Variants in CNBD1 observed in about 807,000 individuals in gnomAD.
The protein encoded by CNBD1 is cyclic nucleotide binding domain containing 1.
In CNBD1, 71 loss-of-function variants were observed where a neutral mutation model predicts 54.4. The ratio of observed to expected loss-of-function variants is 1.30; its 90% confidence interval spans 1.08 to 1.59. CNBD1 has a LOEUF of 1.59. CNBD1 is among the 40% of genes most tolerant of loss of function. The probability of loss-of-function intolerance (pLI) is 0.00; values close to 1 mark genes in which losing one functional copy is unlikely to be tolerated. For missense variants in CNBD1, 659 were observed against 518.0 expected (o/e 1.27, Z -2.64); for synonymous variants, 182 against 170.7 (o/e 1.07, Z -0.51).
intron 4 of CNBD1, among the ~76,000 whole-genome samples, chr8:86,940,088 G>C (rs1043425729): frequency 6.9e-6 from 1 of 145,704 alleles, no homozygotes; most frequent in Non-Finnish European, 1.5e-5. Flanking sequence ...TTCACAAACT[G>C]TCTTCCTCAT....
intron 4 of CNBD1, among the ~76,000 whole-genome samples, chr8:87,199,140 T>TCG (rs1813791179): frequency 6.6e-6 from 1 of 152,116 alleles, no homozygotes; most frequent in South Asian, 2.1e-4. Context: ...TCCAAACACC[T>TCG]CGCGGGGATG....
intron 4 of CNBD1, among the ~76,000 whole-genome samples, chr8:87,204,698 C>G (rs1813933057): frequency 6.6e-6 from 1 of 152,120 alleles, no homozygotes; most frequent in Admixed American, 6.5e-5. Context: ...TTGCAGGCAA[C>G]TAATAAATGT....
intron 8 of CNBD1, among the ~76,000 whole-genome samples, chr8:87,305,305 C>A (rs767949646): frequency 3.9e-5 from 6 of 152,196 alleles, no homozygotes; most frequent in South Asian, 2.1e-4. Context: ...ATGGGTAGAA[C>A]TGATATTGTG....
In CNBD1 at chr8:87,206,150, A is replaced by C; in HGVS notation, c.577+12A>C. On this transcript the variant is annotated intron_variant, in intron 5 of 10. Coordinates refer to ENST00000518476, the MANE Select transcript of CNBD1 (RefSeq NM_173538.3). ...GAAAGGCAGCACAGGTAATAGACTA[A>C]TGTGGGATAAATTTGGCGAGATAAA... 1 of 1,537,044 alleles carries C rather than the reference A, an allele frequency of 6.5e-7. No individual in the cohort carries two copies. Among genetic ancestry groups the C allele is most frequent in the East Asian group, 2.4e-5 (1 of 41,872 alleles).
chr8:87,414,287 CCA>C (rs2130987629), intron 2 of CNBD1, among the ~76,000 whole-genome samples: 1 of 152,190 alleles, frequency 6.6e-6, no homozygotes, highest in East Asian at 1.9e-4. Flanking sequence ...AAACCAAACA[CCA>C]CATGTTCTCA....
intron 4 of CNBD1, among the ~76,000 whole-genome samples, chr8:87,165,659 T>C (rs1812946317): frequency 6.6e-6 from 1 of 151,950 alleles, no homozygotes; most frequent in South Asian, 2.1e-4. Flanking sequence ...AAAGTGATTT[T>C]CTAGTAGGCG....
At chr8:87,109,665 A>T (rs1380533309) in intron 4 of CNBD1, among the ~76,000 whole-genome samples, 1 of 151,022 alleles carries the variant, frequency 6.6e-6, no homozygotes, top group Non-Finnish European at 1.5e-5. Context: ...CAGCCTCCCG[A>T]GTAGCTGGGA....
At chr8:87,298,391 G>A (rs938752192) in intron 8 of CNBD1, among the ~76,000 whole-genome samples, 1 of 151,834 alleles carries the variant, frequency 6.6e-6, no homozygotes, top group African/African-American at 2.4e-5. Context: ...AAAATGAGGG[G>A]CTACTCCTCA....
At chr8:87,038,902 T>G (rs1231878532) in intron 4 of CNBD1, among the ~76,000 whole-genome samples, 1 of 152,224 alleles carries the variant, frequency 6.6e-6, no homozygotes, top group Non-Finnish European at 1.5e-5. Context: ...TTTCCACCAT[T>G]GCCTTCAGTG....
chr8:87,204,370 G>T (rs1813925979), intron 4 of CNBD1, among the ~76,000 whole-genome samples: 1 of 152,126 alleles, frequency 6.6e-6, no homozygotes, highest in South Asian at 2.1e-4. Context: ...GGTAGGCTTG[G>T]ATGGGAAGGC....
At chr8:86,955,609 C>CT (rs113276453) in intron 4 of CNBD1, among the ~76,000 whole-genome samples, 4,047 of 152,248 alleles carry the variant, frequency 0.027, 188 homozygotes, top group African/African-American at 0.093. Flanking sequence ...TTTCATATGT[C>CT]TGTTGGCTGC....
chr8:86,935,738 CCTTTATTATATATTTCCTTATA>C (rs1386331492), intron 3 of CNBD1, among the ~76,000 whole-genome samples: 4 of 151,972 alleles, frequency 2.6e-5, no homozygotes, highest in African/African-American at 9.7e-5. Flanking sequence ...CAATTTTTAT[CCTTTATTATATATTTCCTTATA>C]CTTATTTTGA....
intron 8 of CNBD1, among the ~76,000 whole-genome samples, chr8:87,337,456 C>T (rs1397006726): frequency 1.3e-5 from 2 of 152,202 alleles, no homozygotes; most frequent in South Asian, 2.1e-4. Flanking sequence ...GCCACCCCTC[C>T]CCCAAGGAGC....
intron 8 of CNBD1, among the ~76,000 whole-genome samples, chr8:87,313,672 T>C (rs746845902): frequency 4.6e-5 from 7 of 151,894 alleles, no homozygotes; most frequent in Non-Finnish European, 8.8e-5. Flanking sequence ...TCTGATACAT[T>C]ACACTGTGTT....
At chr8:87,340,544 C>G (rs1403022212) in intron 8 of CNBD1, among the ~76,000 whole-genome samples, 2 of 152,106 alleles carry the variant, frequency 1.3e-5, no homozygotes, top group Non-Finnish European at 2.9e-5. Flanking sequence ...ACATGTTGGT[C>G]ACCTTGATGA....
chr8:87,133,826 A>G (rs1812171300), intron 4 of CNBD1, among the ~76,000 whole-genome samples: 1 of 152,086 alleles, frequency 6.6e-6, no homozygotes, highest in South Asian at 2.1e-4. Flanking sequence ...GAAATGTTTG[A>G]TCTTGTATAT....
At chr8:87,377,106 G>A (rs181670528) in intron 10 of CNBD1, among the ~76,000 whole-genome samples, 92 of 122,238 alleles carry the variant, frequency 7.5e-4, no homozygotes, top group East Asian at 6.9e-4. Context: ...TTTATTTTTC[G>A]CAGATAATTT....
intron 8 of CNBD1, among the ~76,000 whole-genome samples, chr8:87,287,958 CA>C (rs1322939586): frequency 2.6e-5 from 4 of 152,080 alleles, no homozygotes; most frequent in South Asian, 2.1e-4. Context: ...TTGTTTATGA[CA>C]TTTTTTTCCT....
intron 6 of CNBD1, among the ~76,000 whole-genome samples, chr8:87,261,835 T>C (rs1808145383): frequency 6.6e-6 from 1 of 152,102 alleles, no homozygotes; most frequent in African/African-American, 2.4e-5. Context: ...TAACCGTTTC[T>C]AGTAAGTTCC....
Sources: gnomAD v4.1 joint callset for allele counts (sites outside exome capture counted in the v4.1 genomes callset) on GRCh38, gnomAD v4.1.1 for gene constraint, MANE v1.5 for transcripts, NCBI Gene and HGNC (gene_info 2026-07-23, HGNC 2026-07-21) for gene names.